The following KMO variants were observed in gnomAD, a reference collection of about 807,000 sequenced individuals.
KMO encodes the protein kynurenine 3-monooxygenase, also known as kynurenine 3-hydroxylase.
Under a neutral mutation model 57.8 loss-of-function variants are expected in KMO, and 24 were observed. That is an observed-to-expected ratio of 0.42 (90% CI 0.30 to 0.58). The LOEUF is 0.58. KMO is among the 20% of genes least tolerant of loss of function. The probability of loss-of-function intolerance (pLI) is 0.22; values close to 1 mark genes in which losing one functional copy is unlikely to be tolerated. For missense variants in KMO, 483 were observed against 588.2 expected, an observed-to-expected ratio of 0.82 and a Z score of 1.85; for synonymous variants, 210 against 193.6, an observed-to-expected ratio of 1.08 and a Z score of -0.70.
chr1:241,548,757 T>C (rs1661251253), intron 1 of KMO, 72 bp from the exon 2 acceptor site: 5 of 915,648 alleles, frequency 5.5e-6, no homozygotes, highest in Non-Finnish European at 8.6e-6. Context: ...TCACATGATG[T>C]TTCATTTTGC....
intron 9 of KMO, 145 bp from the exon 10 acceptor site, chr1:241,568,355 T>G: frequency 4.1e-6 from 3 of 739,324 alleles, no homozygotes; most frequent in East Asian, 2.7e-5. Context: ...TGGAAAAACT[T>G]CAGTTTTTCC....
At chr1:241,537,609 T>C (rs1660793920) in intron 1 of KMO, among the ~76,000 whole-genome samples, 1 of 152,116 alleles carries the variant, frequency 6.6e-6, no homozygotes, top group African/African-American at 2.4e-5. Flanking sequence ...ATGTTGCTGA[T>C]AAAGACCTAC....
intron 4 of KMO, 34 bp from the exon 5 acceptor site, chr1:241,555,578 G>A: frequency 8.0e-7 from 1 of 1,246,776 alleles, no homozygotes; most frequent in Non-Finnish European, 1.2e-6. Context: ...CCATTCACCA[G>A]AAACAAACAG....
intron 5 of KMO, among the ~76,000 whole-genome samples, chr1:241,559,305 T>C (rs1484197241): frequency 6.6e-6 from 1 of 152,154 alleles, no homozygotes; most frequent in African/African-American, 2.4e-5. Context: ...CAGGGCAGCA[T>C]AGCCCAAGAC....
chr1:241,593,268 T>G lies in KMO; in HGVS notation c.*1115T>G, dbSNP rs1242461271. Reference sequence around the variant, plus strand: ...CCCTCAGAAGCAATTTACTAATTTATTCTTCGACTACATACTGCAGCAGAA... The same window carrying G: ...CCCTCAGAAGCAATTTACTAATTTAGTCTTCGACTACATACTGCAGCAGAA... On this transcript the variant is annotated 3_prime_UTR_variant, in exon 15 of 15. Transcript: ENST00000366559. 3.1e-6 allele frequency: 1 copy of G among 324,052 alleles called. No individual in the cohort carries two copies. Among genetic ancestry groups the G allele is most frequent in the African/African-American group, 2.1e-5 (1 of 47,266 alleles). 20.1% of individuals were successfully genotyped at this position (324,052 alleles called of 1,614,324 possible).
At chr1:241,564,008 C>T (rs907029721) in intron 7 of KMO, among the ~76,000 whole-genome samples, 3 of 152,110 alleles carry the variant, frequency 2.0e-5, no homozygotes, top group Non-Finnish European at 2.9e-5. Context: ...GCCTATTGGA[C>T]TGCACTGTAA....
intron 1 of KMO, among the ~76,000 whole-genome samples, chr1:241,544,720 C>T (rs1661082189): frequency 6.6e-6 from 1 of 152,026 alleles, no homozygotes; most frequent in African/African-American, 2.4e-5. Context: ...TACCTGTGAG[C>T]CCAGGGCTAT....
Position 241,532,483 on chromosome 1 carries a change from C to T in KMO, c.39C>T (p.Val13=). 6.2e-7 allele frequency: 1 copy of T among 1,609,518 alleles called. No individual in the cohort carries two copies. Among genetic ancestry groups the T allele is most frequent in the Non-Finnish European group, 8.5e-7 (1 of 1,178,706 alleles). ...SSVIQRKKVA[V]IGGGLVGSLQ... ...TCATTCAAAGGAAAAAAGTAGCTGT[C>T]ATTGGTGGTGGCTTGGTAAGAATTT... The change falls in exon 1 of 15, where the codon GTC becomes GTT. Residue 13 remains valine (V), a synonymous_variant. Transcript: ENST00000366559.
At chr1:241,572,520 C>T (rs994928451) in intron 10 of KMO, among the ~76,000 whole-genome samples, 10 of 151,950 alleles carry the variant, frequency 6.6e-5, no homozygotes, top group African/African-American at 2.4e-4. Context: ...AAAAAACCAA[C>T]TTTTTGTTTC....
chr1:241,539,504 A>T (rs1423401492), intron 1 of KMO, among the ~76,000 whole-genome samples: 2 of 152,196 alleles, frequency 1.3e-5, no homozygotes, highest in African/African-American at 2.4e-5. Flanking sequence ...ATAGAATCTA[A>T]TGTAGGCTCT....
At chr1:241,553,698 A>AAAAAATT (rs1262756500) in intron 4 of KMO, among the ~76,000 whole-genome samples, 1 of 152,198 alleles carries the variant, frequency 6.6e-6, no homozygotes, top group Non-Finnish European at 1.5e-5. Flanking sequence ...AAAATTTTTT[A>AAAAAATT]AAAAATTAAA....
Position 241,568,628 on chromosome 1 carries a change from T to A in KMO, c.938T>A (p.Phe313Tyr), listed in dbSNP as rs1662166627. ...GCAGCTCATGCTATAGTGCCGTTTT[T>A]TGGGCAAGGAATGAATGCGGTAAGT... is the stretch of plus-strand genomic sequence containing the variant. The part of the protein sequence containing the change: ...GDAAHAIVPF[F>Y]GQGMNAGFED... The change falls in exon 10 of 15, where the codon TTT becomes TAT. Residue 313 changes from phenylalanine to tyrosine, a missense_variant. Phe to Tyr is a conservative substitution (Grantham distance 22). Around this residue, in one of 3 missense-constraint regions of KMO, gnomAD observed 410 missense variants for 492.3 expected, o/e 0.83. Coordinates refer to ENST00000366559, the MANE Select transcript of KMO (RefSeq NM_003679.5). 2 of 1,613,776 alleles carry A rather than the reference T, an allele frequency of 1.2e-6. No individual in the cohort carries two copies. Among genetic ancestry groups the A allele is most frequent in the East Asian group, 4.5e-5 (2 of 44,824 alleles).
chr1:241,566,176 G>A (rs865798519), intron 8 of KMO, among the ~76,000 whole-genome samples: 1 of 152,104 alleles, frequency 6.6e-6, no homozygotes, highest in Non-Finnish European at 1.5e-5. Flanking sequence ...ACAGCACTCC[G>A]GCCTGGGCAA....
intron 1 of KMO, among the ~76,000 whole-genome samples, chr1:241,546,304 A>G (rs1661145840): frequency 6.6e-6 from 1 of 152,152 alleles, no homozygotes; most frequent in Admixed American, 6.6e-5. Flanking sequence ...ATTCTACTGA[A>G]GTCCTCAGCC....
rs1553352691 is a variant in KMO at position 241,592,755 on chromosome 1, C to CT, written c.*602_*603insT. On this transcript the variant is annotated 3_prime_UTR_variant, in exon 15 of 15. Coordinates refer to ENST00000366559, the MANE Select transcript of KMO (RefSeq NM_003679.5). ...ATCTATCATCTATCTATCTATCTAT[C>CT]ATCTATCTATCTATCTATCTATCTA... The CT allele has an allele frequency of 6.0e-3, 830 of 137,558 alleles. 5 individuals carry two copies. The highest frequency in any genetic ancestry group is 0.01 in the African/African-American group (403 of 38,798). The allele number at this position is 137,558 out of a possible 1,614,324, so 8.5% of individuals were successfully genotyped here. A position where few individuals can be genotyped will look rare whatever the true frequency, so the allele number is the denominator to read the frequency against.
At chr1:241,578,656 T>C (rs1200857931) in intron 10 of KMO, among the ~76,000 whole-genome samples, 2 of 152,158 alleles carry the variant, frequency 1.3e-5, no homozygotes, top group Non-Finnish European at 2.9e-5. Context: ...GTGTGTTGGC[T>C]ATTTCAAATG....
chr1:241,561,434 T>G (rs1661831428), intron 6 of KMO, among the ~76,000 whole-genome samples: 1 of 152,172 alleles, frequency 6.6e-6, no homozygotes, highest in South Asian at 2.1e-4. Flanking sequence ...CCTCTCCCAT[T>G]AAATCTATAA....
intron 2 of KMO, 80 bp from the exon 3 acceptor site, chr1:241,549,597 T>C: frequency 2.6e-6 from 2 of 759,132 alleles, no homozygotes; most frequent in Middle Eastern, 4.8e-4. Flanking sequence ...ATGAACCAGT[T>C]GTTCAGATGC....
At chr1:241,569,424 T>C (rs1662197351) in intron 10 of KMO, among the ~76,000 whole-genome samples, 2 of 152,164 alleles carry the variant, frequency 1.3e-5, no homozygotes, top group Admixed American at 6.5e-5. Flanking sequence ...ATTTTCTTTA[T>C]GTGCCTGGTT....
Sources: allele counts gnomAD v4.1 joint callset (sites outside exome capture counted in the v4.1 genomes callset), GRCh38; gene constraint gnomAD v4.1.1; regional missense constraint gnomAD v4.1.1; transcripts MANE v1.5; gene names NCBI Gene and HGNC (gene_info 2026-07-23, HGNC 2026-07-21).